Variants in CPQ observed in about 807,000 individuals in gnomAD.
CPQ encodes carboxypeptidase Q, also known as Ser-Met dipeptidase.
A neutral mutation model predicts 45.7 loss-of-function variants in CPQ; 37 were observed. The ratio of observed to expected loss-of-function variants is 0.81; its 90% confidence interval spans 0.62 to 1.07. CPQ has a LOEUF of 1.07. Among genes scored for constraint, CPQ ranks in the 50% least tolerant of loss-of-function variants. The pLI, the probability that CPQ is intolerant of heterozygous loss-of-function variation, is 0.00. For missense variants in CPQ, 537 were observed against 572.9 expected, an observed-to-expected ratio of 0.94 and a Z score of 0.64; for synonymous variants, 186 against 205.8, an observed-to-expected ratio of 0.90 and a Z score of 0.82.
At chr8:96,669,402 C>A (rs1436073633) in intron 1 of CPQ, among the ~76,000 whole-genome samples, 4 of 152,174 alleles carry the variant, frequency 2.6e-5, no homozygotes, top group African/African-American at 9.7e-5. Flanking sequence ...GTCAATGGAA[C>A]CTGGACTTGT....
intron 7 of CPQ, among the ~76,000 whole-genome samples, chr8:97,141,697 C>A (rs112648339): frequency 6.6e-6 from 1 of 151,880 alleles, no homozygotes; most frequent in African/African-American, 2.4e-5. Flanking sequence ...GGTAGCAGCA[C>A]GTAATAGAAA....
intron 7 of CPQ, among the ~76,000 whole-genome samples, chr8:97,075,068 G>C (rs1035762738): frequency 3.9e-5 from 6 of 152,054 alleles, no homozygotes; most frequent in Non-Finnish European, 8.8e-5. Flanking sequence ...TGCATGCCTA[G>C]AGCATCCAGG....
chr8:97,083,947 G>A (rs1271935584), intron 7 of CPQ, among the ~76,000 whole-genome samples: 2 of 152,002 alleles, frequency 1.3e-5, no homozygotes, highest in Non-Finnish European at 2.9e-5. Context: ...TTTTCACACT[G>A]CCATGAGAAA....
chr8:96,885,831 T>C (rs973007646), intron 4 of CPQ, among the ~76,000 whole-genome samples: 10 of 151,346 alleles, frequency 6.6e-5, no homozygotes, highest in Admixed American at 6.6e-5. Context: ...TACTAAAAAA[T>C]ACAAAAAAAA....
rs565220994 is a variant in CPQ at position 96,840,385 on chromosome 8, T to A, written c.641+5205T>A. Among the ~76,000 whole-genome samples the A allele has an allele frequency of 2.6e-5, 4 of 152,214 alleles. No individual in the cohort carries two copies. The South Asian group carries it at 8.3e-4, about 32-fold the overall frequency. ...AGGAAATGGAGAACCATGGAATGTG[T>A]TAAAGATATGGGGTGAATTTTACAG... On this transcript the variant is annotated intron_variant, in intron 3 of 7. Coordinates refer to ENST00000220763, the MANE Select transcript of CPQ (RefSeq NM_016134.4).
chr8:96,711,592 G>C (rs994945762), intron 1 of CPQ, among the ~76,000 whole-genome samples: 2 of 152,104 alleles, frequency 1.3e-5, no homozygotes, highest in African/African-American at 4.8e-5. Flanking sequence ...TGGCAACAAG[G>C]AGAAGTGCTG....
At position 96,976,292 on chromosome 8, in the gene CPQ, C is replaced by A. The variant is rs961085474; in HGVS notation, c.961+10246C>A. On this transcript the variant is annotated intron_variant, in intron 5 of 7. Coordinates refer to ENST00000220763, the MANE Select transcript of CPQ (RefSeq NM_016134.4). ...AAAAAACCTTAGGATTATACCTAAC[C>A]AAGGACGTGAAAGACCTCTACGAGT... Among the ~76,000 whole-genome samples, 5 of 138,744 alleles carry A rather than the reference C, an allele frequency of 3.6e-5. No homozygotes were observed. The East Asian group carries it at 1.1e-3, about 30-fold the overall frequency. 91.0% of individuals were successfully genotyped at this position (138,744 alleles called of 152,430 possible).
chr8:96,756,998 T>C (rs1008109861), intron 1 of CPQ, among the ~76,000 whole-genome samples: 2 of 152,108 alleles, frequency 1.3e-5, no homozygotes, highest in Non-Finnish European at 2.9e-5. Context: ...TCTGAAAATG[T>C]ATTTATTTTT....
chr8:97,109,811 C>T (rs1227761356), intron 7 of CPQ, among the ~76,000 whole-genome samples: 1 of 152,116 alleles, frequency 6.6e-6, no homozygotes, highest in Non-Finnish European at 1.5e-5. Context: ...CCATTCCCCA[C>T]ATGACTCGTC....
At chr8:96,704,017 G>C (rs1809501348) in intron 1 of CPQ, among the ~76,000 whole-genome samples, 2 of 152,258 alleles carry the variant, frequency 1.3e-5, no homozygotes, top group South Asian at 4.1e-4. Flanking sequence ...TATGTAGAAA[G>C]CAACATCCTT....
chr8:96,752,891 A>G (rs950254108), intron 1 of CPQ, among the ~76,000 whole-genome samples: 6 of 151,856 alleles, frequency 4.0e-5, no homozygotes, highest in Non-Finnish European at 5.9e-5. Context: ...GTTTTTGTTC[A>G]TTTCATTAAG....
intron 7 of CPQ, among the ~76,000 whole-genome samples, chr8:97,077,391 C>A (rs1810866735): frequency 6.6e-6 from 1 of 152,182 alleles, no homozygotes; most frequent in Non-Finnish European, 1.5e-5. Flanking sequence ...CAGATACTGG[C>A]AACACTTGAG....
At chr8:96,916,693 C>G (rs542880105) in intron 4 of CPQ, among the ~76,000 whole-genome samples, 162 of 152,122 alleles carry the variant, frequency 1.1e-3, no homozygotes, top group African/African-American at 3.7e-3. Flanking sequence ...TATCCTTTTC[C>G]TGTTCCAGGA....
intron 5 of CPQ, among the ~76,000 whole-genome samples, chr8:96,988,358 A>T (rs918763839): frequency 1.3e-5 from 2 of 152,212 alleles, no homozygotes; most frequent in African/African-American, 4.8e-5. Context: ...AGACTGATCA[A>T]CATCTTCCCC....
At chr8:96,957,791 T>C (rs1813379223) in intron 4 of CPQ, among the ~76,000 whole-genome samples, 1 of 150,064 alleles carries the variant, frequency 6.7e-6, no homozygotes. Context: ...TGAGTGAAAC[T>C]GTGTCTCAAA....
chr8:96,781,801 A>G (rs1321742478), intron 1 of CPQ, among the ~76,000 whole-genome samples: 2 of 152,194 alleles, frequency 1.3e-5, no homozygotes, highest in East Asian at 1.9e-4. Context: ...TATTTCCACA[A>G]TACAATGGTG....
Position 97,143,318 on chromosome 8 carries a change from T to C in CPQ, c.*135T>C. On this transcript the variant is annotated 3_prime_UTR_variant, in exon 8 of 8. Transcript: ENST00000220763. ...AACTCTATTTCATGCTTTCTGTTAT[T>C]ATCTTTCTTGATACTTTCCAAATTC... 1.2e-6 allele frequency: 1 copy of C among 827,872 alleles called. No homozygotes were observed. Among genetic ancestry groups the C allele is most frequent in the African/African-American group, 1.7e-5 (1 of 58,146 alleles). The allele number at this position is 827,872 out of a possible 1,614,324, so 51.3% of individuals were successfully genotyped here. A position where few individuals can be genotyped will look rare whatever the true frequency, so the allele number is the denominator to read the frequency against.
At chr8:96,835,650 T>C (rs941459850) in intron 3 of CPQ, among the ~76,000 whole-genome samples, 19 of 152,172 alleles carry the variant, frequency 1.2e-4, no homozygotes, top group Admixed American at 3.3e-4. Context: ...GATACAGACT[T>C]GGCTCTGCTC....
intron 1 of CPQ, among the ~76,000 whole-genome samples, chr8:96,674,585 T>A (rs958399045): frequency 1.3e-5 from 2 of 152,178 alleles, no homozygotes; most frequent in African/African-American, 4.8e-5. Context: ...GCACATCCAT[T>A]ACAGGCACAT....
Sources: gnomAD v4.1 joint callset for allele counts (sites outside exome capture counted in the v4.1 genomes callset) on GRCh38, gnomAD v4.1.1 for gene constraint, MANE v1.5 for transcripts, NCBI Gene and HGNC (gene_info 2026-07-23, HGNC 2026-07-21) for gene names.